Variants in LPP observed in about 807,000 individuals in gnomAD.
LPP encodes the protein LIM domain containing preferred translocation partner in lipoma.
In LPP, 38 loss-of-function variants were observed where a neutral mutation model predicts 60.4. That is an observed-to-expected ratio of 0.63 (90% CI 0.49 to 0.83). The LOEUF (loss-of-function observed/expected upper bound fraction) is 0.83, where lower values mean the gene tolerates loss of function less well. Among genes scored for constraint, LPP ranks in the 40% least tolerant of loss-of-function variants. The pLI is 0.00. For missense variants in LPP, 902 were observed against 783.6 expected (o/e 1.15, Z -1.80); for synonymous variants, 328 against 290.8 (o/e 1.13, Z -1.30).
chr3:188,589,004 G>T (rs1838092754), intron 6 of LPP, among the ~76,000 whole-genome samples: 1 of 152,010 alleles, frequency 6.6e-6, no homozygotes, highest in Non-Finnish European at 1.5e-5. Flanking sequence ...TTTTGCTGGT[G>T]TGTGGACTTC....
chr3:188,242,675 A>G (rs182546051), intron 2 of LPP, among the ~76,000 whole-genome samples: 42 of 152,322 alleles, frequency 2.8e-4, no homozygotes, highest in Middle Eastern at 3.4e-3. Flanking sequence ...CAAGAGCCAG[A>G]ACTGGGCCAG....
intron 5 of LPP, among the ~76,000 whole-genome samples, chr3:188,506,056 T>C (rs1813361528): frequency 6.6e-6 from 1 of 152,128 alleles, no homozygotes; most frequent in Non-Finnish European, 1.5e-5. Flanking sequence ...TCTCAATACC[T>C]GATGAACCCT....
intron 6 of LPP, among the ~76,000 whole-genome samples, chr3:188,535,487 T>C (rs1823321586): frequency 1.3e-5 from 2 of 152,228 alleles, no homozygotes; most frequent in African/African-American, 2.4e-5. Flanking sequence ...ATTTCCATTC[T>C]AGAAATATGC....
chr3:188,512,911 A>G (rs769963693), intron 5 of LPP, among the ~76,000 whole-genome samples: 30 of 152,174 alleles, frequency 2.0e-4, no homozygotes, highest in Admixed American at 3.9e-4. Context: ...TTGAGGTTTT[A>G]AAAAACAAAA....
chr3:188,288,127 G>T (rs748938289), intron 2 of LPP, among the ~76,000 whole-genome samples: 4 of 152,186 alleles, frequency 2.6e-5, no homozygotes, highest in East Asian at 1.9e-4. Flanking sequence ...AAACAAAAGT[G>T]GGAGAAAGAT....
chr3:188,613,474 C>G (rs1391220015), intron 7 of LPP, among the ~76,000 whole-genome samples: 3 of 152,068 alleles, frequency 2.0e-5, no homozygotes, highest in Non-Finnish European at 2.9e-5. Context: ...TCATCTCCGT[C>G]AGCCTCAGCT....
At chr3:188,357,116 T>C (rs114016498) in intron 3 of LPP, among the ~76,000 whole-genome samples, 1 of 152,294 alleles carries the variant, frequency 6.6e-6, no homozygotes, top group African/African-American at 2.4e-5. Context: ...AAGTAAAAAG[T>C]TGTGATTTAC....
rs1447080933 is a variant in LPP at position 188,890,403 on chromosome 3, T to C, written c.*15924T>C. 5.0e-6 allele frequency: 1 copy of C among 201,876 alleles called. No homozygotes were observed. Among genetic ancestry groups the C allele is most frequent in the Non-Finnish European group, 1.0e-5 (1 of 98,244 alleles). The allele number at this position is 201,876 out of a possible 1,614,324, so 12.5% of individuals were successfully genotyped here. Reference sequence around the variant, plus strand: ...ACTACATTACAAACCATCACTGATGTATCCAAAATAGCACACATAGTTCAG... The same window carrying C: ...ACTACATTACAAACCATCACTGATGCATCCAAAATAGCACACATAGTTCAG... On this transcript the variant is annotated 3_prime_UTR_variant, in exon 12 of 12. Coordinates refer to ENST00000617246, the MANE Select transcript of LPP (RefSeq NM_001375462.1).
intron 3 of LPP, among the ~76,000 whole-genome samples, chr3:188,359,576 C>T (rs1245227229): frequency 2.0e-5 from 3 of 152,156 alleles, no homozygotes; most frequent in African/African-American, 7.2e-5. Context: ...CCACGCTGGG[C>T]AGGTCATTAG....
At chr3:188,509,595 AGT>A (rs1191054252) in intron 5 of LPP, among the ~76,000 whole-genome samples, 2 of 152,044 alleles carry the variant, frequency 1.3e-5, no homozygotes, top group Non-Finnish European at 2.9e-5. Context: ...GTTGGAAGTG[AGT>A]AATTCAACTT....
At chr3:188,647,338 G>A (rs1028225081) in intron 7 of LPP, among the ~76,000 whole-genome samples, 1 of 152,132 alleles carries the variant, frequency 6.6e-6, no homozygotes, top group Non-Finnish European at 1.5e-5. Flanking sequence ...GATGGAAAGT[G>A]CCCGCTTAAT....
rs1365742726 is a variant in LPP at position 188,407,768 on chromosome 3, GTTTTTTTTTTTGTTTGTTTGTT to G, written c.193+1467_193+1488del. ...CCATATGTTGGCTTCCTCATTTATG[GTTTTTTTTTTTGTTTGTTTGTT>G]TTTTTTTTTTTTTTTTTGAGATGGA... On this transcript the variant is annotated intron_variant, in intron 4 of 11. Coordinates refer to ENST00000617246, the MANE Select transcript of LPP (RefSeq NM_001375462.1). Among the ~76,000 whole-genome samples, 68 of 61,314 alleles carry G rather than the reference GTTTTTTTTTTTGTTTGTTTGTT, an allele frequency of 1.1e-3. 1 individual carries two copies. Among genetic ancestry groups the G allele is most frequent in the African/African-American group, 3.0e-3 (67 of 22,196 alleles). 40.2% of individuals were successfully genotyped at this position (61,314 alleles called of 152,430 possible).
intron 4 of LPP, among the ~76,000 whole-genome samples, chr3:188,447,332 C>G (rs911873937): frequency 2.0e-5 from 3 of 152,156 alleles, no homozygotes; most frequent in African/African-American, 7.2e-5. Flanking sequence ...TGACTCTTGG[C>G]TGGGCGTGGT....
chr3:188,184,798 G>T (rs1726098820), intron 1 of LPP, among the ~76,000 whole-genome samples: 1 of 151,102 alleles, frequency 6.6e-6, no homozygotes, highest in African/African-American at 2.4e-5. Context: ...GCCCACCTCT[G>T]TTAATGACTA....
intron 9 of LPP, among the ~76,000 whole-genome samples, chr3:188,792,708 C>T (rs1230941592): frequency 6.6e-6 from 1 of 151,982 alleles, no homozygotes; most frequent in Non-Finnish European, 1.5e-5. Flanking sequence ...TTTACTCTTT[C>T]TTTTTTCCCG....
intron 3 of LPP, among the ~76,000 whole-genome samples, chr3:188,398,389 A>G (rs1781459784): frequency 6.6e-6 from 1 of 152,222 alleles, no homozygotes; most frequent in Admixed American, 6.5e-5. Flanking sequence ...ATCTAAGTCT[A>G]GTGCCTTTTC....
At chr3:188,240,210 T>G (rs568625600) in intron 2 of LPP, 1 of 178,482 alleles carries the variant, frequency 5.6e-6, no homozygotes, top group African/African-American at 2.4e-5. Flanking sequence ...TTTCCTTTCA[T>G]AAACTAATTT....
At chr3:188,636,092 C>T (rs192103990) in intron 7 of LPP, among the ~76,000 whole-genome samples, 29 of 152,338 alleles carry the variant, frequency 1.9e-4, no homozygotes, top group African/African-American at 7.0e-4. Flanking sequence ...TCTACAGCTC[C>T]CAGCCTGAGC....
At chr3:188,683,740 A>C (rs1860042148) in intron 7 of LPP, among the ~76,000 whole-genome samples, 1 of 152,202 alleles carries the variant, frequency 6.6e-6, no homozygotes, top group Admixed American at 6.5e-5. Flanking sequence ...CGGGGTGGGG[A>C]GCATGATATA....
Sources: gnomAD v4.1 joint callset for allele counts (sites outside exome capture counted in the v4.1 genomes callset) on GRCh38, gnomAD v4.1.1 for gene constraint, MANE v1.5 for transcripts, NCBI Gene and HGNC (gene_info 2026-07-23, HGNC 2026-07-21) for gene names.